The following NFIB variants were observed in gnomAD, a reference collection of about 807,000 sequenced individuals.
The protein encoded by NFIB is nuclear factor I B.
NFIB carries 11 observed loss-of-function variants against 61.5 expected under a neutral mutation model. The observed-to-expected ratio is 0.18, with a 90% confidence interval of 0.11 to 0.30. NFIB has a LOEUF of 0.30. NFIB is among the 10% of genes least tolerant of loss of function. The probability of loss-of-function intolerance (pLI) is 1.00; values close to 1 mark genes in which losing one functional copy is unlikely to be tolerated. For synonymous variants in NFIB, 260 were observed against 216.5 expected, an observed-to-expected ratio of 1.20 and a Z score of -1.76; for missense variants, 471 against 608.9, an observed-to-expected ratio of 0.77 and a Z score of 2.38.
chr9:14,531,609 A>G, the NFIB span, among the ~76,000 whole-genome samples: 1 of 151,942 alleles, frequency 6.6e-6, no homozygotes. Context: ...GAAGGCTCCA[A>G]TCCCCTACTG....
chr9:14,443,479 G>A, the NFIB span, among the ~76,000 whole-genome samples: 2 of 152,078 alleles, frequency 1.3e-5, no homozygotes, highest in Non-Finnish European at 2.9e-5. Context: ...ACCTATCTCA[G>A]GTAAAGGCAC....
chr9:14,235,481 A>G (rs945630960), intron 2 of NFIB, among the ~76,000 whole-genome samples: 5 of 152,176 alleles, frequency 3.3e-5, no homozygotes, highest in African/African-American at 7.2e-5. Context: ...GACATATACT[A>G]TCTCACCCTA....
chr9:14,210,707 T>C (rs1202481222), intron 2 of NFIB, among the ~76,000 whole-genome samples: 1 of 152,040 alleles, frequency 6.6e-6, no homozygotes, highest in Non-Finnish European at 1.5e-5. Flanking sequence ...GAAGAGATGA[T>C]TACTATAAGT....
intron 10 of NFIB, among the ~76,000 whole-genome samples, chr9:14,101,150 GA>G (rs1468922296): frequency 1.3e-5 from 2 of 152,024 alleles, no homozygotes; most frequent in Non-Finnish European, 2.9e-5. Context: ...AGGCTATTTG[GA>G]TAAGATGGTT....
intron 1 of NFIB, among the ~76,000 whole-genome samples, chr9:14,347,079 G>A (rs1157899660): frequency 6.6e-6 from 1 of 151,910 alleles, no homozygotes; most frequent in African/African-American, 2.4e-5. Context: ...GGCGCGAAGG[G>A]TGCGTCTCCT....
chr9:14,513,110 A>C, the NFIB span, among the ~76,000 whole-genome samples: 2 of 152,144 alleles, frequency 1.3e-5, no homozygotes, highest in Admixed American at 1.3e-4. Flanking sequence ...TGCAGAAAGT[A>C]TTCTTTTATT....
At chr9:14,338,393 C>CA (rs35741300) in intron 1 of NFIB, among the ~76,000 whole-genome samples, 2,229 of 148,404 alleles carry the variant, frequency 0.015, 59 homozygotes, top group African/African-American at 0.053. Context: ...GACTCTGTCT[C>CA]AAAAAAAAAA....
chr9:14,121,248 AC>A (rs2038895538), intron 7 of NFIB, among the ~76,000 whole-genome samples: 1 of 152,144 alleles, frequency 6.6e-6, no homozygotes, highest in Non-Finnish European at 1.5e-5. Flanking sequence ...TGGTGACAGA[AC>A]CCCATCTCAA....
intron 1 of NFIB, among the ~76,000 whole-genome samples, chr9:14,374,129 C>G (rs905483568): frequency 1.3e-5 from 2 of 152,144 alleles, no homozygotes; most frequent in African/African-American, 4.8e-5. Flanking sequence ...ACAGTGGGGC[C>G]TTATATGAGT....
chr9:14,412,690 T>C, the NFIB span, among the ~76,000 whole-genome samples: 97 of 152,190 alleles, frequency 6.4e-4, no homozygotes, highest in African/African-American at 2.0e-3. Flanking sequence ...GAAGGAAGGA[T>C]TTCTTCAATG....
chr9:14,125,120 CATATT>C (rs201632039), intron 7 of NFIB, among the ~76,000 whole-genome samples: 3,103 of 152,252 alleles, frequency 0.02, 88 homozygotes, highest in South Asian at 0.07. Context: ...TTTTAAAACA[CATATT>C]ATAAATATTA....
chr9:14,092,302 A>G (rs1315852478), intron 10 of NFIB, among the ~76,000 whole-genome samples: 1 of 152,086 alleles, frequency 6.6e-6, no homozygotes, highest in Non-Finnish European at 1.5e-5. Context: ...AAACTTCCAG[A>G]CGATAGCCAT....
At chr9:14,465,641 G>T in the NFIB span, among the ~76,000 whole-genome samples, 1 of 150,714 alleles carries the variant, frequency 6.6e-6, no homozygotes, top group South Asian at 2.1e-4. Flanking sequence ...GCCCTTCTTG[G>T]CTGTCATAGT....
intron 6 of NFIB, among the ~76,000 whole-genome samples, chr9:14,129,387 CA>C (rs534691060): frequency 0.1 from 5,829 of 55,532 alleles, 102 homozygotes; most frequent in African/African-American, 0.12. Context: ...AATCCCCGCT[CA>C]AAAAAAAAAA....
At chr9:14,186,549 T>C (rs1399803746) in intron 2 of NFIB, among the ~76,000 whole-genome samples, 1 of 152,152 alleles carries the variant, frequency 6.6e-6, no homozygotes, top group Non-Finnish European at 1.5e-5. Context: ...TATTTTATAG[T>C]AGGGAAATAA....
rs529186774 is a variant in NFIB at position 14,267,594 on chromosome 9, G to A, written c.562+39395C>T. ...ATACCCCATTTTCACTTTAATCTAT[G>A]TATTATCTATGACCCTATTAGTTTT... On this transcript the variant is annotated intron_variant, in intron 2 of 10. Transcript: ENST00000380953. Among the ~76,000 whole-genome samples, 7 of 152,212 alleles carry A rather than the reference G, an allele frequency of 4.6e-5. No individual in the cohort carries two copies. In the South Asian group the frequency reaches 1.2e-3, roughly 27 times the overall value.
At chr9:14,448,124 A>G in the NFIB span, among the ~76,000 whole-genome samples, 140 of 152,306 alleles carry the variant, frequency 9.2e-4, 2 homozygotes, top group East Asian at 0.026. Flanking sequence ...CTTTGCAAAC[A>G]TTATACAGTG....
At chr9:14,459,516 CG>C in the NFIB span, among the ~76,000 whole-genome samples, 1 of 152,102 alleles carries the variant, frequency 6.6e-6, no homozygotes, top group Admixed American at 6.5e-5. Context: ...AATTGACAAA[CG>C]GGATCTAATT....
intron 1 of NFIB, among the ~76,000 whole-genome samples, chr9:14,368,609 C>T (rs935522055): frequency 1.3e-5 from 2 of 152,184 alleles, no homozygotes; most frequent in Non-Finnish European, 2.9e-5. Context: ...GTTCAGTCAT[C>T]TGAATAACAT....
Sources: gnomAD v4.1 joint callset for allele counts (sites outside exome capture counted in the v4.1 genomes callset) on GRCh38, gnomAD v4.1.1 for gene constraint, MANE v1.5 for transcripts, NCBI Gene and HGNC (gene_info 2026-07-23, HGNC 2026-07-21) for gene names.